ADGRE2: variants seen among roughly 807,000 people sequenced by gnomAD.
ADGRE2 encodes the protein adhesion G protein-coupled receptor E2.
A neutral mutation model predicts 100.8 loss-of-function variants in ADGRE2; 83 were observed. The ratio of observed to expected loss-of-function variants is 0.82; its 90% CI spans 0.69 to 0.99. The LOEUF (loss-of-function observed/expected upper bound fraction) is 0.99. Ranked by LOEUF, ADGRE2 falls within the 50% of genes least tolerant of loss-of-function variation. ADGRE2 has a pLI of 0.00. For synonymous variants in ADGRE2, 355 were observed against 413.0 expected (o/e 0.86, Z 1.70); for missense variants, 814 against 1,035.7 (o/e 0.79, Z 2.94).
the ADGRE2 span, among the ~76,000 whole-genome samples, chr19:14,726,026 G>A: frequency 6.6e-6 from 1 of 152,172 alleles, no homozygotes; most frequent in African/African-American, 2.4e-5. Context: ...CCTGGGCACC[G>A]TGGCTTTTCC....
chr19:14,751,259 A>G (rs909479945), intron 16 of ADGRE2, among the ~76,000 whole-genome samples, 177 bp downstream of exon 16: 2 of 152,214 alleles, frequency 1.3e-5, no homozygotes, highest in African/African-American at 4.8e-5. Flanking sequence ...CTAGCTTGAA[A>G]TGTAATTGAA....
At chr19:14,754,485 A>ATCTATCTGTCTATCTG (rs1248880509) in intron 14 of ADGRE2, among the ~76,000 whole-genome samples, 1 of 142,968 alleles carries the variant, frequency 7.0e-6, no homozygotes, top group African/African-American at 2.6e-5. Context: ...CTATCTATCT[A>ATCTATCTGTCTATCTG]TCTATTCCAT....
chr19:14,765,457 C>G (rs2147416233), intron 9 of ADGRE2, 60 bp from the exon 10 acceptor site: 1 of 1,613,266 alleles, frequency 6.2e-7, no homozygotes. Context: ...AAGTTTAGAA[C>G]AAGGAGACGG....
chr19:14,759,556 G>A (rs1431209925), intron 11 of ADGRE2, among the ~76,000 whole-genome samples: 3 of 148,834 alleles, frequency 2.0e-5, no homozygotes, highest in African/African-American at 5.0e-5. Flanking sequence ...GAGTGCAGTG[G>A]CACGATCTCA....
chr19:14,743,416 T>C lies in ADGRE2; in HGVS notation c.2463+4A>G. 6.2e-7 allele frequency: 1 copy of C among 1,613,160 alleles called. No homozygotes were observed. Among genetic ancestry groups the C allele is most frequent in the Non-Finnish European group, 8.5e-7 (1 of 1,179,082 alleles). Reference sequence around the variant, plus strand: ...AAGTGCTCTGGAGCAATGCGTGATCTTACCGTGCTGGGTTTGGAGGTGTCA... The same window carrying C: ...AAGTGCTCTGGAGCAATGCGTGATCCTACCGTGCTGGGTTTGGAGGTGTCA... On this transcript the variant is annotated splice_donor_region_variant and intron_variant, in intron 20 of 20. Coordinates refer to ENST00000315576, the MANE Select transcript of ADGRE2 (RefSeq NM_013447.4).
At chr19:14,725,748 G>A in the ADGRE2 span, among the ~76,000 whole-genome samples, 2 of 152,212 alleles carry the variant, frequency 1.3e-5, no homozygotes, top group East Asian at 3.8e-4. Flanking sequence ...TGCAAGATAT[G>A]GGATCTCAAG....
In ADGRE2 at chr19:14,776,902, G is replaced by A; in HGVS notation, c.-146C>T. Reference sequence around the variant, plus strand: ...GGGGGGCGGACAGCCGCTGGCCCAGGGCCCTCCCCGGAACTGGCGGTGCAG... The same window carrying A: ...GGGGGGCGGACAGCCGCTGGCCCAGAGCCCTCCCCGGAACTGGCGGTGCAG... On this transcript the variant is annotated 5_prime_UTR_variant, in exon 2 of 21. Transcript: ENST00000315576. The A allele has an allele frequency of 6.7e-7, 1 of 1,498,262 alleles. No homozygotes were observed. The highest frequency in any genetic ancestry group is 1.3e-5 in the South Asian group (1 of 79,526). 92.8% of individuals were successfully genotyped at this position (1,498,262 alleles called of 1,614,324 possible). A position where few individuals can be genotyped will look rare whatever the true frequency, so the allele number is the denominator to read the frequency against.
At position 14,751,686 on chromosome 19, in the gene ADGRE2, A is replaced by G; in HGVS notation, c.1789-15T>C. ...GAGCACAGCACCTGGCGGAGAAGTAAAAGACGCCCAGAGCGGCGATCAGAT... is the reference window on the plus strand; with the variant it reads ...GAGCACAGCACCTGGCGGAGAAGTAGAAGACGCCCAGAGCGGCGATCAGAT... On this transcript the variant is annotated splice_polypyrimidine_tract_variant and intron_variant, in intron 15 of 20. Transcript: ENST00000315576. 6.2e-7 allele frequency: 1 copy of G among 1,600,696 alleles called. No individual in the cohort carries two copies. Among genetic ancestry groups the G allele is most frequent in the Non-Finnish European group, 8.6e-7 (1 of 1,168,300 alleles).
chr19:14,772,515 A>G lies in ADGRE2; in HGVS notation c.200-18T>C. On this transcript the variant is annotated intron_variant, in intron 4 of 20. Coordinates refer to ENST00000315576, the MANE Select transcript of ADGRE2 (RefSeq NM_013447.4). Reference sequence around the variant, plus strand: ...GTTGATGTCTGGAACACAACAGGACAGGAGGTCATCTCCCAAAGATGTGAG... The same window carrying G: ...GTTGATGTCTGGAACACAACAGGACGGGAGGTCATCTCCCAAAGATGTGAG... 1 of 1,613,030 alleles carries G rather than the reference A, an allele frequency of 6.2e-7. No individual in the cohort carries two copies. The highest frequency in any genetic ancestry group is 1.3e-5 in the African/African-American group (1 of 74,964).
intron 5 of ADGRE2, among the ~76,000 whole-genome samples, chr19:14,769,260 A>G (rs2044106612): frequency 4.6e-5 from 7 of 152,066 alleles, no homozygotes; most frequent in Admixed American, 4.6e-4. Context: ...AAACAAACAA[A>G]TAAGATGCCA....
intron 11 of ADGRE2, among the ~76,000 whole-genome samples, chr19:14,756,584 C>T (rs187563043): frequency 1.5e-4 from 23 of 152,292 alleles, no homozygotes; most frequent in Admixed American, 1.4e-3. Context: ...AAGATCTGAA[C>T]AGACCTATAA....
intron 14 of ADGRE2, among the ~76,000 whole-genome samples, chr19:14,753,065 C>A (rs1327898317): frequency 7.2e-6 from 1 of 138,568 alleles, no homozygotes; most frequent in African/African-American, 2.5e-5. Flanking sequence ...CCACCACACC[C>A]GTCCTAATTT....
chr19:14,746,350 G>T (rs1267109927), intron 17 of ADGRE2, 27 bp from the exon 18 acceptor site: 9 of 1,253,760 alleles, frequency 7.2e-6, no homozygotes, highest in South Asian at 2.6e-5. Context: ...AAGATTTGTT[G>T]AATAGATTTT....
chr19:14,759,976 G>A (rs945109005), intron 11 of ADGRE2, among the ~76,000 whole-genome samples: 14 of 152,006 alleles, frequency 9.2e-5, no homozygotes, highest in African/African-American at 3.1e-4. Context: ...CCGCCACCAC[G>A]CCTGGCTAAT....
At chr19:14,736,842 T>G (rs1315082638) in intron 20 of ADGRE2, among the ~76,000 whole-genome samples, 1 of 145,338 alleles carries the variant, frequency 6.9e-6, no homozygotes, top group Non-Finnish European at 1.5e-5. Context: ...TTAATATCTA[T>G]ATATTTAGAA....
intron 15 of ADGRE2, 96 bp from the exon 16 acceptor site, chr19:14,751,767 A>G: frequency 4.9e-6 from 4 of 821,560 alleles, no homozygotes; most frequent in South Asian, 1.7e-5. Flanking sequence ...ATTCTGAGAT[A>G]TTTGATGGCA....
the ADGRE2 span, among the ~76,000 whole-genome samples, chr19:14,726,843 A>G: frequency 6.6e-6 from 1 of 152,076 alleles, no homozygotes; most frequent in Non-Finnish European, 1.5e-5. Context: ...ACCAGTCTCC[A>G]AGAAGTTCCA....
intron 5 of ADGRE2, among the ~76,000 whole-genome samples, chr19:14,770,069 TAC>T (rs1165009547): frequency 6.6e-6 from 1 of 152,146 alleles, no homozygotes; most frequent in Non-Finnish European, 1.5e-5. Context: ...CATGCGGTGA[TAC>T]AGTTTGGATA....
At chr19:14,772,601 T>A in intron 4 of ADGRE2, 104 bp from the exon 5 acceptor site, 1 of 1,406,334 alleles carries the variant, frequency 7.1e-7, no homozygotes, top group Non-Finnish European at 9.8e-7. Context: ...GCTTAGTATC[T>A]TTTGGAAAGG....
Sources: allele counts gnomAD v4.1 joint callset (sites outside exome capture counted in the v4.1 genomes callset), GRCh38; gene constraint gnomAD v4.1.1; transcripts MANE v1.5; gene names NCBI Gene and HGNC (gene_info 2026-07-23, HGNC 2026-07-21).